The following SRCAP variants were observed in gnomAD, a reference collection of about 807,000 sequenced individuals.
The protein encoded by SRCAP is Snf2 related CREBBP activator protein, also known as chromatin remodeling protein SRCAP.
SRCAP carries 46 observed loss-of-function variants against 263.1 expected under a neutral mutation model. The observed-to-expected ratio is 0.17, with a 90% CI of 0.14 to 0.22. The LOEUF (loss-of-function observed/expected upper bound fraction) is 0.22, where lower values mean the gene tolerates loss of function less well. Ranked by LOEUF, SRCAP falls within the 10% of genes least tolerant of loss-of-function variation. The probability of loss-of-function intolerance (pLI) is 1.00; values close to 1 mark genes in which losing one functional copy is unlikely to be tolerated. For synonymous variants in SRCAP, 1,813 were observed against 1,662.1 expected, an observed-to-expected ratio of 1.09 and a Z score of -2.21; for missense variants, 3,695 against 4,181.9, an observed-to-expected ratio of 0.88 and a Z score of 3.21.
At position 30,729,582 on chromosome 16, in the gene SRCAP, T is replaced by A; in HGVS notation, c.6127+10T>A. 1 of 1,614,200 alleles carries A rather than the reference T, an allele frequency of 6.2e-7. No individual in the cohort carries two copies. The highest frequency in any genetic ancestry group is 1.1e-5 in the South Asian group (1 of 91,088). On this transcript the variant is annotated intron_variant, in intron 27 of 33. Transcript: ENST00000262518. Reference sequence around the variant, plus strand: ...ATCCAGTATGATTGCGGTGAGTTTGTTGGCCAGTGTAGGACCCTTGACTTC... The same window carrying A: ...ATCCAGTATGATTGCGGTGAGTTTGATGGCCAGTGTAGGACCCTTGACTTC...
rs548463254 is a variant in SRCAP at position 30,722,278 on chromosome 16, C to T, written c.3698C>T (p.Pro1233Leu). 84 of 1,613,632 alleles carry T rather than the reference C, an allele frequency of 5.2e-5. No individual in the cohort carries two copies. Among genetic ancestry groups the T allele is most frequent in the South Asian group, 1.6e-4 (15 of 91,034 alleles). ...CAGCTTGCTGTGGGGCAGCCCCGCC[C>T]GCTGCAAAGTAGGTAAAACCCACCC... is the stretch of plus-strand genomic sequence containing the variant. ...VRQLAVGQPR[P>L]LQRNVVHLVS... Residue 1233 changes from proline to leucine, a missense_variant, in exon 22 of 34, where the codon CCG (proline) becomes CTG (leucine). Physicochemically the swap from Pro to Leu is moderately conservative, Grantham distance 98. Transcript: ENST00000262518.
In SRCAP at chr16:30,712,009, C is replaced by T; in HGVS notation, c.1667C>T (p.Ala556Val). 6.2e-7 allele frequency: 1 copy of T among 1,613,936 alleles called. No individual in the cohort carries two copies. The highest frequency in any genetic ancestry group is 8.5e-7 in the Non-Finnish European group (1 of 1,180,004). The change falls in exon 12 of 34, where the codon GCC (alanine) becomes GTC (valine). Residue 556 changes from alanine to valine, a missense_variant. This residue lies in a region of SRCAP where 288 missense variants were observed against 302.4 expected (regional missense o/e 0.95). Coordinates refer to ENST00000262518, the MANE Select transcript of SRCAP (RefSeq NM_006662.3). ...GATTTTGGGGTGGAGTACTTGCTTG[C>T]CAGGGATGAAGAGCAGAGTGAGGCA... The part of the protein sequence containing the change: ...DDDFGVEYLL[A>V]RDEEQSEADA...
At chr16:30,718,803 T>C (rs573895599) in intron 18 of SRCAP, among the ~76,000 whole-genome samples, 5 of 152,300 alleles carry the variant, frequency 3.3e-5, no homozygotes, top group Non-Finnish European at 5.9e-5. Context: ...GTTCAATTTA[T>C]CAATTTTTTT....
At chr16:30,734,405 C>A in intron 30 of SRCAP, 91 bp from the exon 31 acceptor site, 1 of 1,555,202 alleles carries the variant, frequency 6.4e-7, no homozygotes, top group Non-Finnish European at 8.7e-7. Context: ...CAGTGGTACC[C>A]CTGACAGTTC....
chr16:30,729,050 G>A lies in SRCAP; in HGVS notation c.5743G>A (p.Ala1915Thr). ...ACTTAGTGAGGCTCATGGGGCCCTG[G>A]CACCTGTGTATGGGACTGAAGTCCT... ...FQLSEAHGAL[A>T]PVYGTEVLDF... Residue 1915 changes from alanine (A) to threonine (T), a missense_variant, in exon 26 of 34, where the codon GCA becomes ACA. Transcript: ENST00000262518. 6.2e-7 allele frequency: 1 copy of A among 1,614,198 alleles called. No individual in the cohort carries two copies. Among genetic ancestry groups the A allele is most frequent in the Non-Finnish European group, 8.5e-7 (1 of 1,180,030 alleles).
In SRCAP at chr16:30,700,361, A is replaced by C. The variant is rs2972803; in HGVS notation, c.-209-255A>C. Among the ~76,000 whole-genome samples the C allele has an allele frequency of 0.99, 151,308 of 152,322 alleles. 75,159 individuals carry two copies. Among genetic ancestry groups the C allele is most frequent in the Middle Eastern group, 1 (294 of 294 alleles). On this transcript the variant is annotated intron_variant, in intron 2 of 33. Transcript: ENST00000262518. ...GGTCGGGAATCCTTTCTGCATGGCTATATCCGTTGTGTGTAGGAGGAAGTC... is the reference window on the plus strand; with the variant it reads ...GGTCGGGAATCCTTTCTGCATGGCTCTATCCGTTGTGTGTAGGAGGAAGTC...
Position 30,737,014 on chromosome 16 carries a change from C to T in SRCAP, c.7009-35C>T, listed in dbSNP as rs535747393. The T allele has an allele frequency of 5.8e-6, 9 of 1,543,250 alleles. No individual in the cohort carries two copies. The African/African-American group carries it at 1.1e-4, about 19-fold the overall frequency. On this transcript the variant is annotated intron_variant, in intron 33 of 33. Coordinates refer to ENST00000262518, the MANE Select transcript of SRCAP (RefSeq NM_006662.3). ...TCTACTCACTCTCTACTCTGCTTGC[C>T]TCCTCCTGACCACTTTTGGACCCTG...
At chr16:30,716,835 C>T (rs1246212481) in intron 18 of SRCAP, among the ~76,000 whole-genome samples, 2 of 152,188 alleles carry the variant, frequency 1.3e-5, no homozygotes, top group Admixed American at 6.5e-5. Context: ...AGTCCAGGAG[C>T]GTCTGCATCA....
chr16:30,713,776 C>A (rs955845584), intron 16 of SRCAP, 65 bp downstream of exon 16: 2 of 1,504,112 alleles, frequency 1.3e-6, no homozygotes, highest in Non-Finnish European at 9.1e-7. Context: ...AGCACCTGGG[C>A]AGTGCCCAGG....
At chr16:30,716,954 T>C (rs1480070752) in intron 18 of SRCAP, among the ~76,000 whole-genome samples, 2 of 152,216 alleles carry the variant, frequency 1.3e-5, no homozygotes, top group Admixed American at 6.5e-5. Context: ...TGCTTTTTAT[T>C]TTGGGTATTT....
rs772199002 is a variant in SRCAP, at chr16:30,711,864, G to C, written c.1522G>C (p.Glu508Gln). ...TGTGGAGGACCGGAGTGAGGATGAG[G>C]AAGATGAACATTCAGAGGAGGAAGA... Reference protein sequence around the residue: ...DSVEDRSEDEEDEHSEEEETS... With the variant: ...DSVEDRSEDEQDEHSEEEETS... Residue 508 changes from glutamate to glutamine, a missense_variant, in exon 12 of 34, where the codon GAA becomes CAA. Glu to Gln is a conservative substitution (Grantham distance 29, BLOSUM62 2). Around this residue, in one of 12 missense-constraint regions of SRCAP, gnomAD observed 288 missense variants for 302.4 expected, o/e 0.95. Coordinates refer to ENST00000262518, the MANE Select transcript of SRCAP (RefSeq NM_006662.3). The C allele has an allele frequency of 1.2e-6, 2 of 1,613,826 alleles. No individual in the cohort carries two copies. Among genetic ancestry groups the C allele is most frequent in the African/African-American group, 1.3e-5 (1 of 74,984 alleles).
At position 30,700,873 on chromosome 16, in the gene SRCAP, A is replaced by G; in HGVS notation, c.49A>G (p.Thr17Ala). Reference protein sequence around the residue: ...PAHPQLPVLQTQMVSDGMTGS... With the variant: ...PAHPQLPVLQAQMVSDGMTGS... The stretch of plus-strand genomic sequence containing the variant: ...TCACCCTCAGCTCCCAGTCCTACAG[A>G]CACAGGTTTGAAAGTGGGAAGAGTT... Residue 17 changes from threonine to alanine, a missense_variant, in exon 3 of 34, where the codon ACA (threonine) becomes GCA (alanine). Thr to Ala is a moderately conservative substitution (Grantham distance 58). Around this residue, in one of 12 missense-constraint regions of SRCAP, gnomAD observed 122 missense variants for 116.9 expected, o/e 1.04. Coordinates refer to ENST00000262518, the MANE Select transcript of SRCAP (RefSeq NM_006662.3). 6.2e-6 allele frequency: 10 copies of G among 1,614,166 alleles called. No homozygotes were observed. Among genetic ancestry groups the G allele is most frequent in the Non-Finnish European group, 7.6e-6 (9 of 1,180,000 alleles).
Position 30,713,257 on chromosome 16 carries a change from T to C in SRCAP, c.2180T>C (p.Leu727Pro). 1 of 1,614,152 alleles carries C rather than the reference T, an allele frequency of 6.2e-7. No individual in the cohort carries two copies. The highest frequency in any genetic ancestry group is 8.5e-7 in the Non-Finnish European group (1 of 1,180,040). ...AFHVCITSYK[L>P]VLQDHQAFRR... ...CATGTGTGTATCACATCTTACAAGC[T>C]GGTGCTGCAGGACCACCAGGCCTTC... Residue 727 changes from leucine to proline, a missense_variant, in exon 15 of 34, where the codon CTG (leucine) becomes CCG (proline). Transcript: ENST00000262518.
intron 13 of SRCAP, 44 bp downstream of exon 13, chr16:30,712,483 C>T: frequency 6.5e-7 from 1 of 1,535,486 alleles, no homozygotes; most frequent in East Asian, 2.3e-5. Context: ...TAGTCTAGCT[C>T]CCTGGGAGCT....
intron 18 of SRCAP, 142 bp downstream of exon 18, chr16:30,716,621 T>C (rs993216193): frequency 1.3e-6 from 1 of 762,206 alleles, no homozygotes; most frequent in East Asian, 2.6e-5. Context: ...ACTCTAGCCA[T>C]GTGACTTAAC....
intron 19 of SRCAP, 23 bp from the exon 20 acceptor site, chr16:30,720,690 A>C: frequency 6.4e-7 from 1 of 1,569,208 alleles, no homozygotes; most frequent in Non-Finnish European, 8.7e-7. Flanking sequence ...GTCCCTACCC[A>C]CTCTCTTAAT....
At chr16:30,711,510 A>G in intron 10 of SRCAP, 61 bp from the exon 11 acceptor site, 2 of 1,508,366 alleles carry the variant, frequency 1.3e-6, no homozygotes, top group Non-Finnish European at 1.8e-6. Flanking sequence ...AACTGGTACT[A>G]CTCAGACCTC....
Position 30,729,380 on chromosome 16 carries a change from G to A in SRCAP, c.5935G>A (p.Val1979Ile). 6.2e-7 allele frequency: 1 copy of A among 1,614,052 alleles called. No individual in the cohort carries two copies. The highest frequency in any genetic ancestry group is 8.5e-7 in the Non-Finnish European group (1 of 1,180,030). Reference protein sequence around the residue: ...LSEIIERFIFVMPPVEAPPPS... With the variant: ...LSEIIERFIFIMPPVEAPPPS... ...TTCTTCCTTTCACAGGTTCATCTTT[G>A]TCATGCCTCCTGTGGAGGCACCTCC... The change falls in exon 27 of 34, where the codon GTC becomes ATC. Residue 1979 changes from valine to isoleucine, a missense_variant. By Grantham distance (29) the Val-to-Ile change is conservative (BLOSUM62 3). Transcript: ENST00000262518.
intron 27 of SRCAP, among the ~76,000 whole-genome samples, chr16:30,732,632 A>G (rs1276439415): frequency 1.3e-5 from 2 of 152,188 alleles, no homozygotes; most frequent in Admixed American, 6.5e-5. Context: ...GTTGATATCT[A>G]TCCTGTGAAT....
Sources: allele counts gnomAD v4.1 joint callset (sites outside exome capture counted in the v4.1 genomes callset), GRCh38; gene constraint gnomAD v4.1.1; regional missense constraint gnomAD v4.1.1; transcripts MANE v1.5; gene names NCBI Gene and HGNC (gene_info 2026-07-23, HGNC 2026-07-21).